Variants in DOCK3 observed in about 807,000 individuals in gnomAD.
The protein encoded by DOCK3 is dedicator of cytokinesis 3, also known as dedicator of cytokinesis protein 3.
A neutral mutation model predicts 265.6 loss-of-function variants in DOCK3; 60 were observed. The ratio of observed to expected loss-of-function variants is 0.23; its 90% CI spans 0.18 to 0.28. The LOEUF (loss-of-function observed/expected upper bound fraction) is 0.28, where lower values mean the gene tolerates loss of function less well. DOCK3 is among the 10% of genes least tolerant of loss of function. The pLI is 1.00. For missense variants in DOCK3, 1,981 were observed against 2,594.3 expected (o/e 0.76, Z 5.14); for synonymous variants, 881 against 938.0 (o/e 0.94, Z 1.11).
chr3:51,333,105 C>A, intron 34 of DOCK3, 53 bp from the exon 35 acceptor site: 1 of 1,613,722 alleles, frequency 6.2e-7, no homozygotes, highest in Non-Finnish European at 8.5e-7. Context: ...CACTCTTGTG[C>A]CCAGGAGAAG....
At position 51,381,408 on chromosome 3, in the gene DOCK3, G is replaced by A. The variant is rs782455185; in HGVS notation, c.5942G>A (p.Arg1981His). 6.2e-6 allele frequency: 10 copies of A among 1,612,128 alleles called. No homozygotes were observed. Among genetic ancestry groups the A allele is most frequent in the East Asian group, 2.2e-5 (1 of 44,852 alleles). ...CTGCCGCCCAAGCCCTACCACCCCC[G>A]CCTGCCGGCCCTGGAGCACGATGAG... Reference protein sequence around the residue: ...PALPPKPYHPRLPALEHDEGV... With the variant: ...PALPPKPYHPHLPALEHDEGV... The change falls in exon 53 of 53, where the codon CGC (arginine) becomes CAC (histidine). Residue 1981 changes from arginine (R) to histidine (H), a missense_variant. Arg to His is a conservative substitution (Grantham distance 29). This residue lies in a region of DOCK3 where 149 missense variants were observed against 144.7 expected (regional missense o/e 1.03). Transcript: ENST00000266037. The surrounding 1 kb of genome is among the most constrained non-coding windows in gnomAD (Gnocchi z 5.6).
intron 1 of DOCK3, among the ~76,000 whole-genome samples, chr3:50,735,851 G>C (rs972015164): frequency 6.6e-6 from 1 of 152,092 alleles, no homozygotes; most frequent in Non-Finnish European, 1.5e-5. Context: ...TTTCTGGGGG[G>C]GCCTCAGGGA....
At chr3:50,746,534 T>G (rs1011083756) in intron 1 of DOCK3, among the ~76,000 whole-genome samples, 7 of 152,192 alleles carry the variant, frequency 4.6e-5, no homozygotes, top group Admixed American at 6.5e-5. Context: ...TTTTATAATT[T>G]TAGATTTACA....
At chr3:51,246,264 G>C (rs112425289) in intron 21 of DOCK3, among the ~76,000 whole-genome samples, 1,812 of 104,954 alleles carry the variant, frequency 0.017, 51 homozygotes, top group African/African-American at 0.06. Context: ...ATGAGATATT[G>C]TTCTGTTGCC....
intron 40 of DOCK3, among the ~76,000 whole-genome samples, chr3:51,353,666 C>T (rs2086160453): frequency 6.6e-6 from 1 of 152,146 alleles, no homozygotes; most frequent in Admixed American, 6.5e-5. Context: ...CAAGTTCTCC[C>T]ATAGTGAGAG....
In DOCK3 at chr3:51,229,560, T is replaced by C. The variant is rs763256605; in HGVS notation, c.1868T>C (p.Met623Thr). Residue 623 changes from methionine (M) to threonine (T), a missense_variant, in exon 19 of 53, where the codon ATG (methionine) becomes ACG (threonine). Met to Thr is a moderately conservative substitution (Grantham distance 81). Coordinates refer to ENST00000266037, the MANE Select transcript of DOCK3 (RefSeq NM_004947.5). ...LKWKAFPDRI[M>T]DVLGRLRHVS... ...TGGAAAGCCTTCCCCGACCGGATCA[T>C]GGATGTACTAGGGCGGCTGCGGCAT... 8 of 1,609,348 alleles carry C rather than the reference T, an allele frequency of 5.0e-6. No homozygotes were observed. Among genetic ancestry groups the C allele is most frequent in the Non-Finnish European group, 6.8e-6 (8 of 1,177,730 alleles).
intron 25 of DOCK3, among the ~76,000 whole-genome samples, chr3:51,277,005 A>G (rs1017943745): frequency 6.6e-6 from 1 of 152,186 alleles, no homozygotes; most frequent in Non-Finnish European, 1.5e-5. Context: ...GAGTCCTTCA[A>G]ATGGACCCTG....
chr3:51,344,658 G>T (rs2085446908), intron 38 of DOCK3, among the ~76,000 whole-genome samples: 2 of 152,198 alleles, frequency 1.3e-5, no homozygotes, highest in African/African-American at 4.8e-5. Flanking sequence ...GCTGGTAGAA[G>T]TGACTGGATT....
intron 7 of DOCK3, among the ~76,000 whole-genome samples, chr3:51,081,293 A>G (rs926807578): frequency 6.6e-6 from 1 of 152,142 alleles, no homozygotes; most frequent in Non-Finnish European, 1.5e-5. Flanking sequence ...CTAGGGTCCA[A>G]AAGGAAGCAG....
At chr3:51,375,700 T>C in intron 50 of DOCK3, 48 bp from the exon 51 acceptor site, 1 of 1,606,250 alleles carries the variant, frequency 6.2e-7, no homozygotes, top group Non-Finnish European at 8.5e-7. Flanking sequence ...CCTCCCAAGA[T>C]ATAATTGGTT....
intron 2 of DOCK3, among the ~76,000 whole-genome samples, chr3:50,824,562 T>C (rs1377876473): frequency 6.6e-6 from 1 of 152,198 alleles, no homozygotes; most frequent in East Asian, 1.9e-4. Context: ...CAAACTGGTA[T>C]GTATCTTTTC....
intron 1 of DOCK3, among the ~76,000 whole-genome samples, chr3:50,738,775 CACTTT>C (rs1234089156): frequency 2.6e-5 from 4 of 152,088 alleles, no homozygotes; most frequent in East Asian, 1.9e-4. Context: ...AATAAAATGT[CACTTT>C]ACTTTATTAC....
intron 5 of DOCK3, among the ~76,000 whole-genome samples, chr3:50,946,574 T>C (rs749207799): frequency 3.2e-4 from 49 of 152,182 alleles, no homozygotes; most frequent in Non-Finnish European, 5.7e-4. Flanking sequence ...CAGAACTGTT[T>C]AGGTAGGCAG....
At chr3:51,268,937 A>G (rs929893890) in intron 23 of DOCK3, among the ~76,000 whole-genome samples, 9 of 152,094 alleles carry the variant, frequency 5.9e-5, no homozygotes, top group Non-Finnish European at 8.8e-5. Flanking sequence ...CAATGCAGAT[A>G]TGCTTTCTGG....
At chr3:51,319,138 G>A (rs1031532257) in intron 32 of DOCK3, among the ~76,000 whole-genome samples, 1 of 152,096 alleles carries the variant, frequency 6.6e-6, no homozygotes, top group Non-Finnish European at 1.5e-5. Flanking sequence ...ATTCACCAGT[G>A]TTTTACCAGT....
intron 4 of DOCK3, among the ~76,000 whole-genome samples, chr3:50,899,305 T>G (rs1028852128): frequency 6.6e-6 from 1 of 151,786 alleles, no homozygotes; most frequent in Non-Finnish European, 1.5e-5. Flanking sequence ...GCAACCTCTG[T>G]TTTTTTCACT....
intron 5 of DOCK3, among the ~76,000 whole-genome samples, chr3:51,035,713 T>C (rs2108988640): frequency 6.6e-6 from 1 of 152,286 alleles, no homozygotes; most frequent in Admixed American, 6.5e-5. Flanking sequence ...TACTGGTGTT[T>C]TTGTTGTATA....
chr3:50,681,277 T>C lies in DOCK3; in HGVS notation c.37+5977T>C, dbSNP rs577214894. 2.6e-5 allele frequency among the ~76,000 whole-genome samples: 4 copies of C among 152,350 alleles called. No homozygotes were observed. The East Asian group carries it at 7.7e-4, about 29-fold the overall frequency. ...CAGGGCAGTCTCAAAAGAATGGTCA[T>C]TGAGGTTGAAAGTACTTTAACCTTC... On this transcript the variant is annotated intron_variant, in intron 1 of 52. Coordinates refer to ENST00000266037, the MANE Select transcript of DOCK3 (RefSeq NM_004947.5).
chr3:51,088,813 G>C (rs2082526699), intron 7 of DOCK3, among the ~76,000 whole-genome samples: 1 of 152,200 alleles, frequency 6.6e-6, no homozygotes, highest in Non-Finnish European at 1.5e-5. Flanking sequence ...CCAGCCAGCA[G>C]TAAAGGAACA....
Sources: gnomAD v4.1 joint callset for allele counts (sites outside exome capture counted in the v4.1 genomes callset) on GRCh38, gnomAD v4.1.1 for gene constraint, gnomAD v4.1.1 regional missense constraint, Gnocchi (gnomAD v3.1) non-coding constraint, MANE v1.5 for transcripts, NCBI Gene and HGNC (gene_info 2026-07-23, HGNC 2026-07-21) for gene names.